Variants in OPCML observed in about 807,000 individuals in gnomAD.
The protein encoded by OPCML is opioid-binding protein/cell adhesion molecule.
Under a neutral mutation model 37.8 loss-of-function variants are expected in OPCML, and 13 were observed. The observed-to-expected ratio is 0.34, with a 90% confidence interval of 0.22 to 0.55. The LOEUF is 0.55. Among genes scored for constraint, OPCML ranks in the 20% least tolerant of loss-of-function variants. The pLI is 0.91. For synonymous variants in OPCML, 176 were observed against 168.8 expected, an observed-to-expected ratio of 1.04 and a Z score of -0.33; for missense variants, 341 against 435.6, an observed-to-expected ratio of 0.78 and a Z score of 1.93.
At chr11:132,827,515 C>A (rs1003367978) in intron 2 of OPCML, among the ~76,000 whole-genome samples, 3 of 152,206 alleles carry the variant, frequency 2.0e-5, no homozygotes, top group African/African-American at 7.2e-5. Flanking sequence ...TTTTACAAAA[C>A]TTAACATACT....
intron 7 of OPCML, among the ~76,000 whole-genome samples, chr11:132,423,911 A>G (rs1303328435): frequency 6.6e-6 from 1 of 152,140 alleles, no homozygotes; most frequent in African/African-American, 2.4e-5. Context: ...GCTTGCATAC[A>G]TGGCTTCAGA....
intron 2 of OPCML, among the ~76,000 whole-genome samples, chr11:132,830,527 C>T (rs1399855810): frequency 1.1e-4 from 16 of 152,170 alleles, no homozygotes; most frequent in Non-Finnish European, 1.3e-4. Context: ...ATGCCTTCTG[C>T]AGTTCTCAAT....
At chr11:132,712,461 G>T (rs1944307211) in intron 2 of OPCML, among the ~76,000 whole-genome samples, 1 of 152,128 alleles carries the variant, frequency 6.6e-6, no homozygotes. Context: ...GTTTGGTTGC[G>T]ATAGTGTCTG....
intron 2 of OPCML, among the ~76,000 whole-genome samples, chr11:132,927,124 G>T (rs1048271975): frequency 2.6e-5 from 4 of 151,972 alleles, no homozygotes; most frequent in Admixed American, 2.0e-4. Flanking sequence ...GAAAGGAAAA[G>T]AGTTTATTTG....
intron 2 of OPCML, among the ~76,000 whole-genome samples, chr11:132,667,454 T>C (rs143131749): frequency 2.4e-3 from 371 of 152,318 alleles, no homozygotes; most frequent in Non-Finnish European, 4.4e-3. Flanking sequence ...CCAGGCCTTC[T>C]TACATTGCAG....
chr11:133,158,395 A>G (rs546079914), intron 1 of OPCML, among the ~76,000 whole-genome samples: 52 of 152,306 alleles, frequency 3.4e-4, no homozygotes, highest in South Asian at 8.3e-4. Flanking sequence ...CCTATCTCAG[A>G]TTCATTTCTA....
chr11:132,952,447 T>G (rs1945881085), intron 1 of OPCML, among the ~76,000 whole-genome samples: 1 of 152,218 alleles, frequency 6.6e-6, no homozygotes, highest in African/African-American at 2.4e-5. Context: ...GAAATCCATG[T>G]GGAACCTCGC....
chr11:133,177,150 TAATA>T lies in OPCML; in HGVS notation c.62-234144_62-234141del, dbSNP rs1485062712. On this transcript the variant is annotated intron_variant, in intron 1 of 7. Coordinates refer to ENST00000524381, the MANE Select transcript of OPCML (RefSeq NM_001012393.5). This position sits in a 1 kb window ranked among gnomAD's most constrained non-coding sequence, Gnocchi z 5.0. Reference sequence around the variant, plus strand: ...GTAAAAATGAAGTGTATTCATTTATTAATATTTATTCATATTTGAGAGCACATCT... The same window carrying T: ...GTAAAAATGAAGTGTATTCATTTATTTTTATTCATATTTGAGAGCACATCT... 6.6e-6 allele frequency among the ~76,000 whole-genome samples: 1 copy of T among 152,248 alleles called. No individual in the cohort carries two copies. The highest frequency in any genetic ancestry group is 2.4e-5 in the African/African-American group (1 of 41,452).
At chr11:133,509,121 T>C (rs1056691295) in intron 1 of OPCML, among the ~76,000 whole-genome samples, 2 of 152,172 alleles carry the variant, frequency 1.3e-5, no homozygotes, top group Non-Finnish European at 2.9e-5. Flanking sequence ...GTTTGTTACA[T>C]TGGTAAACGT....
At chr11:132,465,463 TTTA>T (rs1314284495) in intron 4 of OPCML, among the ~76,000 whole-genome samples, 3 of 152,198 alleles carry the variant, frequency 2.0e-5, no homozygotes, top group African/African-American at 7.2e-5. Context: ...AATCATCCTT[TTTA>T]TTTTTATTAT....
chr11:132,582,001 G>A (rs1277850375), intron 3 of OPCML, among the ~76,000 whole-genome samples: 1 of 151,960 alleles, frequency 6.6e-6, no homozygotes. Context: ...AACAAACTGG[G>A]CTCAAATTAC....
intron 2 of OPCML, among the ~76,000 whole-genome samples, chr11:132,687,000 C>T (rs1049111805): frequency 2.8e-5 from 4 of 144,236 alleles, no homozygotes; most frequent in Admixed American, 7.1e-5. Flanking sequence ...TCAGCTGCCC[C>T]CTGAGATATT....
At chr11:132,515,727 T>A (rs76265613) in intron 4 of OPCML, among the ~76,000 whole-genome samples, 79 of 152,312 alleles carry the variant, frequency 5.2e-4, no homozygotes, top group African/African-American at 1.8e-3. Flanking sequence ...TTATTAACCA[T>A]GATTACTACC....
chr11:132,997,308 T>C (rs1946906326), intron 1 of OPCML, among the ~76,000 whole-genome samples: 1 of 152,220 alleles, frequency 6.6e-6, no homozygotes, highest in Non-Finnish European at 1.5e-5. Context: ...TTTCTGGTTT[T>C]TCTGTGGCTG....
chr11:132,733,387 G>A (rs970289484), intron 2 of OPCML, among the ~76,000 whole-genome samples: 2 of 152,106 alleles, frequency 1.3e-5, no homozygotes, highest in African/African-American at 4.8e-5. Context: ...CCGCTTGTCT[G>A]CTAAGAGGCA....
intron 1 of OPCML, among the ~76,000 whole-genome samples, chr11:133,039,148 C>T (rs1947838046): frequency 6.6e-6 from 1 of 152,124 alleles, no homozygotes; most frequent in Admixed American, 6.5e-5. Flanking sequence ...GGAGGGTTGG[C>T]AGGGGAGTGC....
At chr11:132,483,764 A>G (rs1176366776) in intron 4 of OPCML, among the ~76,000 whole-genome samples, 11 of 151,846 alleles carry the variant, frequency 7.2e-5, no homozygotes, top group Non-Finnish European at 2.9e-5. Flanking sequence ...ATAATGCCAC[A>G]TATCTACAAC....
rs1371654773 is a variant in OPCML at position 133,167,473 on chromosome 11, C to T, written c.62-224463G>A. Among the ~76,000 whole-genome samples the T allele has an allele frequency of 2.0e-5, 3 of 151,970 alleles. No homozygotes were observed. In the East Asian group the frequency reaches 5.8e-4, roughly 29 times the overall value. ...GGCCAAAATCTCTGACCACTATGGA[C>T]CCTGTCAAAGGTTAGCAATGTCTCT... On this transcript the variant is annotated intron_variant, in intron 1 of 7. Transcript: ENST00000524381.
At chr11:133,023,935 A>G (rs1261932039) in intron 1 of OPCML, among the ~76,000 whole-genome samples, 1 of 152,188 alleles carries the variant, frequency 6.6e-6, no homozygotes, top group Non-Finnish European at 1.5e-5. Flanking sequence ...ATGCATCATA[A>G]GGTGAAGGAA....
Sources: gnomAD v4.1 joint callset for allele counts (sites outside exome capture counted in the v4.1 genomes callset) on GRCh38, gnomAD v4.1.1 for gene constraint, Gnocchi (gnomAD v3.1) non-coding constraint, MANE v1.5 for transcripts, NCBI Gene and HGNC (gene_info 2026-07-23, HGNC 2026-07-21) for gene names.